TBC1D22A: variants seen among roughly 807,000 people sequenced by gnomAD.
TBC1D22A encodes the protein TBC1 domain family member 22A, also known as putative GTPase activator.
Under a neutral mutation model 60.2 loss-of-function variants are expected in TBC1D22A, and 38 were observed. The ratio of observed to expected loss-of-function variants is 0.63; its 90% CI spans 0.49 to 0.83. TBC1D22A has a LOEUF of 0.83. TBC1D22A is among the 40% of genes least tolerant of loss of function. The pLI is 0.00. For missense variants in TBC1D22A, 628 were observed against 701.0 expected, an observed-to-expected ratio of 0.90 and a Z score of 1.18; for synonymous variants, 302 against 281.7, an observed-to-expected ratio of 1.07 and a Z score of -0.72.
At chr22:47,017,797 G>T (rs902871559) in intron 10 of TBC1D22A, among the ~76,000 whole-genome samples, 4 of 152,210 alleles carry the variant, frequency 2.6e-5, no homozygotes, top group Non-Finnish European at 4.4e-5. Flanking sequence ...TAATGGTGAT[G>T]AATAAAACTT....
chr22:46,967,530 T>C (rs1012874435), intron 8 of TBC1D22A, among the ~76,000 whole-genome samples: 17 of 152,218 alleles, frequency 1.1e-4, no homozygotes, highest in Non-Finnish European at 2.4e-4. Context: ...GTGATGAATG[T>C]GGTGGTAACG....
intron 8 of TBC1D22A, among the ~76,000 whole-genome samples, chr22:46,922,926 C>A (rs775691454): frequency 1.3e-5 from 2 of 152,012 alleles, no homozygotes; most frequent in African/African-American, 2.4e-5. Context: ...CTTTCTGTTG[C>A]CTGATTGCTT....
chr22:46,877,262 T>G lies in TBC1D22A; in HGVS notation c.638-1391T>G, dbSNP rs541830537. Among the ~76,000 whole-genome samples, 23 of 152,322 alleles carry G rather than the reference T, an allele frequency of 1.5e-4. No homozygotes were observed. The South Asian group carries it at 4.8e-3, about 32-fold the overall frequency. On this transcript the variant is annotated intron_variant, in intron 4 of 12. Coordinates refer to ENST00000337137, the MANE Select transcript of TBC1D22A (RefSeq NM_014346.5). ...CAAATAAGATAATATGTATGAAAGC[T>G]CTCTTTTAACACCAAAGCTTGAGCA...
intron 12 of TBC1D22A, among the ~76,000 whole-genome samples, chr22:47,134,506 G>T (rs4823468): frequency 0.35 from 52,944 of 152,168 alleles, 9,593 homozygotes; most frequent in East Asian, 0.61. Context: ...AGCCAGTGTT[G>T]ACAGGCAGCG....
At chr22:46,909,314 T>A (rs112026075) in intron 7 of TBC1D22A, among the ~76,000 whole-genome samples, 3 of 114,418 alleles carry the variant, frequency 2.6e-5, no homozygotes, top group East Asian at 4.4e-4. Flanking sequence ...ACACACACAC[T>A]CACACACTCA....
At chr22:47,116,102 C>T (rs1171174867) in intron 12 of TBC1D22A, 1 of 152,284 alleles carries the variant, frequency 6.6e-6, no homozygotes, top group South Asian at 2.1e-4. Context: ...AGCTTCCCCT[C>T]CTTGGAGCCC....
chr22:47,163,381 C>G (rs973679233), intron 12 of TBC1D22A, among the ~76,000 whole-genome samples: 8 of 152,254 alleles, frequency 5.3e-5, no homozygotes, highest in African/African-American at 1.9e-4. Flanking sequence ...GTCTCTGAAC[C>G]TTTAAATGCC....
chr22:46,983,206 C>T (rs2074583772), intron 9 of TBC1D22A, among the ~76,000 whole-genome samples: 1 of 152,156 alleles, frequency 6.6e-6, no homozygotes, highest in African/African-American at 2.4e-5. Flanking sequence ...TTCCACAGTG[C>T]AGGAGGGTGC....
At chr22:46,893,803 G>A (rs921689425) in intron 6 of TBC1D22A, among the ~76,000 whole-genome samples, 1 of 152,212 alleles carries the variant, frequency 6.6e-6, no homozygotes, top group Admixed American at 6.5e-5. Context: ...ACTGCTGCTG[G>A]CGGGCCTCCT....
At chr22:46,993,098 C>A (rs370059040) in intron 9 of TBC1D22A, among the ~76,000 whole-genome samples, 2 of 152,130 alleles carry the variant, frequency 1.3e-5, no homozygotes, top group African/African-American at 4.8e-5. Flanking sequence ...CTAACTTCTC[C>A]GTGAGCTGGC....
intron 12 of TBC1D22A, among the ~76,000 whole-genome samples, chr22:47,167,938 C>G (rs1485608930): frequency 1.3e-5 from 2 of 152,182 alleles, no homozygotes; most frequent in Non-Finnish European, 2.9e-5. Flanking sequence ...CCCTGTCTGT[C>G]TAGGAACTTG....
chr22:46,831,963 C>T (rs2086327936), intron 4 of TBC1D22A, among the ~76,000 whole-genome samples: 1 of 152,080 alleles, frequency 6.6e-6, no homozygotes, highest in Admixed American at 6.6e-5. Flanking sequence ...CCTTTCCCCC[C>T]TCATTATTAT....
chr22:46,810,292 C>T (rs1012908921), intron 4 of TBC1D22A, among the ~76,000 whole-genome samples: 8 of 152,310 alleles, frequency 5.3e-5, no homozygotes, highest in African/African-American at 7.2e-5. Context: ...CCTTCGCTCC[C>T]GACCCTTCTA....
chr22:47,027,984 C>T (rs936451667), intron 10 of TBC1D22A, among the ~76,000 whole-genome samples: 8 of 152,138 alleles, frequency 5.3e-5, no homozygotes, highest in Admixed American at 1.3e-4. Flanking sequence ...CCCAGGGAAG[C>T]GGCTCCGTCA....
intron 8 of TBC1D22A, among the ~76,000 whole-genome samples, chr22:46,932,310 A>G (rs1444557899): frequency 6.6e-6 from 1 of 152,170 alleles, no homozygotes; most frequent in African/African-American, 2.4e-5. Flanking sequence ...CGGCCCCAGA[A>G]CTCATGGTTT....
At chr22:46,953,555 A>G (rs1327731119) in intron 8 of TBC1D22A, among the ~76,000 whole-genome samples, 1 of 152,086 alleles carries the variant, frequency 6.6e-6, no homozygotes, top group Admixed American at 6.5e-5. Context: ...TGCCTGAAGA[A>G]CTTTAACACT....
chr22:46,827,140 T>C (rs1232162268), intron 4 of TBC1D22A, among the ~76,000 whole-genome samples: 2 of 152,222 alleles, frequency 1.3e-5, no homozygotes, highest in African/African-American at 4.8e-5. Flanking sequence ...CTCAGCACTC[T>C]TTGGTTATAA....
intron 11 of TBC1D22A, among the ~76,000 whole-genome samples, chr22:47,043,488 A>G (rs1475920609): frequency 1.3e-5 from 2 of 152,172 alleles, no homozygotes; most frequent in African/African-American, 2.4e-5. Context: ...GGCCCTATCT[A>G]AGGCAGCAGC....
chr22:46,957,314 G>T (rs1347075565), intron 8 of TBC1D22A, among the ~76,000 whole-genome samples: 2 of 152,228 alleles, frequency 1.3e-5, no homozygotes, highest in African/African-American at 2.4e-5. Flanking sequence ...CATTATAAAG[G>T]AAAGAGGTTT....
Sources: allele counts gnomAD v4.1 joint callset (sites outside exome capture counted in the v4.1 genomes callset), GRCh38; gene constraint gnomAD v4.1.1; transcripts MANE v1.5; gene names NCBI Gene and HGNC (gene_info 2026-07-23, HGNC 2026-07-21).